Variants in SEZ6L observed in about 807,000 individuals in gnomAD.
SEZ6L encodes the protein seizure related 6 homolog like.
Under a neutral mutation model 106.2 loss-of-function variants are expected in SEZ6L, and 37 were observed. The observed-to-expected ratio is 0.35, with a 90% confidence interval of 0.27 to 0.46. The LOEUF is 0.46. Among genes scored for constraint, SEZ6L ranks in the 20% least tolerant of loss-of-function variants. The pLI is 1.00. For missense variants in SEZ6L, 1,172 were observed against 1,332.8 expected (o/e 0.88, Z 1.88); for synonymous variants, 541 against 570.4 (o/e 0.95, Z 0.73).
At chr22:26,277,451 A>G (rs778050855) in intron 1 of SEZ6L, among the ~76,000 whole-genome samples, 2 of 152,236 alleles carry the variant, frequency 1.3e-5, no homozygotes, top group Non-Finnish European at 2.9e-5. Flanking sequence ...CATATGCCAG[A>G]AAATGAAGAG....
intron 1 of SEZ6L, among the ~76,000 whole-genome samples, chr22:26,194,234 T>C (rs5752275): frequency 0.16 from 23,633 of 152,160 alleles, 2,344 homozygotes; most frequent in African/African-American, 0.28. Context: ...GATGGGAAAA[T>C]GAAGATCTTT....
chr22:26,298,972 A>G lies in SEZ6L; in HGVS notation c.1163-12A>G, dbSNP rs1208564810. ...AAGTGATGACTGAGTCTGCCTCTGC[A>G]TTTCTTCCCAGCCTTCATGCTGAGC... On this transcript the variant is annotated splice_polypyrimidine_tract_variant and intron_variant, in intron 4 of 16. Transcript: ENST00000248933. 3 of 1,544,876 alleles carry G rather than the reference A, an allele frequency of 1.9e-6. No individual in the cohort carries two copies. The highest frequency in any genetic ancestry group is 3.8e-5 in the Admixed American group (2 of 52,362).
chr22:26,368,073 A>C (rs2083882137), intron 13 of SEZ6L, among the ~76,000 whole-genome samples: 1 of 152,214 alleles, frequency 6.6e-6, no homozygotes, highest in Non-Finnish European at 1.5e-5. Context: ...TTATTGCTTT[A>C]GTGCCCCTTT....
At chr22:26,331,245 C>T (rs1435579562) in intron 9 of SEZ6L, among the ~76,000 whole-genome samples, 3 of 152,230 alleles carry the variant, frequency 2.0e-5, no homozygotes, top group Non-Finnish European at 4.4e-5. Flanking sequence ...TGGTCTGTGT[C>T]AGATTCTAAT....
chr22:26,272,318 T>C (rs1186461223), intron 1 of SEZ6L, among the ~76,000 whole-genome samples: 2 of 152,180 alleles, frequency 1.3e-5, no homozygotes, highest in African/African-American at 4.8e-5. Flanking sequence ...TCAATAAAAG[T>C]TTATGAAAAA....
At chr22:26,311,014 A>G (rs781096441) in intron 7 of SEZ6L, among the ~76,000 whole-genome samples, 178 bp downstream of exon 7, 1 of 152,354 alleles carries the variant, frequency 6.6e-6, no homozygotes, top group Admixed American at 6.5e-5. Flanking sequence ...AATGCCTATC[A>G]TTAACTGTGC....
intron 1 of SEZ6L, among the ~76,000 whole-genome samples, chr22:26,273,335 T>C (rs2080431878): frequency 6.6e-6 from 1 of 152,260 alleles, no homozygotes; most frequent in Non-Finnish European, 1.5e-5. Context: ...GTGTAGCCCC[T>C]GCCGGGTGGG....
chr22:26,374,617 C>T (rs150965793), intron 14 of SEZ6L, among the ~76,000 whole-genome samples: 11 of 152,250 alleles, frequency 7.2e-5, no homozygotes, highest in African/African-American at 2.6e-4. Flanking sequence ...GTTTTGTGCT[C>T]ATGCATTTAT....
At chr22:26,288,570 A>T (rs1474163554) in intron 1 of SEZ6L, among the ~76,000 whole-genome samples, 1 of 152,140 alleles carries the variant, frequency 6.6e-6, no homozygotes, top group Non-Finnish European at 1.5e-5. Flanking sequence ...AAGATTTGAA[A>T]CCCAGCTTTG....
At chr22:26,238,184 G>A (rs12166208) in intron 1 of SEZ6L, among the ~76,000 whole-genome samples, 12,031 of 152,176 alleles carry the variant, frequency 0.079, 911 homozygotes, top group African/African-American at 0.19. Flanking sequence ...AGGGGCTAAG[G>A]AATAGCTGTG....
At chr22:26,352,235 G>T (rs2083305561) in intron 12 of SEZ6L, among the ~76,000 whole-genome samples, 1 of 151,654 alleles carries the variant, frequency 6.6e-6, no homozygotes, top group Admixed American at 6.6e-5. Context: ...CACAGTCATT[G>T]CATAAGGAAA....
intron 9 of SEZ6L, among the ~76,000 whole-genome samples, chr22:26,337,205 A>C (rs777311645): frequency 6.6e-6 from 1 of 152,226 alleles, no homozygotes; most frequent in African/African-American, 2.4e-5. Context: ...ATCAAACCAA[A>C]GCTTTCTGAT....
intron 3 of SEZ6L, among the ~76,000 whole-genome samples, chr22:26,296,379 T>A (rs77790734): frequency 0.023 from 3,434 of 152,318 alleles, 111 homozygotes; most frequent in African/African-American, 0.069. Flanking sequence ...CAATCTTTTT[T>A]AAATATTTTC....
intron 11 of SEZ6L, among the ~76,000 whole-genome samples, chr22:26,348,709 AGG>A (rs1294326684): frequency 2.4e-5 from 1 of 41,666 alleles, no homozygotes; most frequent in Admixed American, 2.6e-4. Context: ...AAAGAAGGCA[AGG>A]GAGGGAAGGG....
At chr22:26,189,561 A>G (rs1484191083) in intron 1 of SEZ6L, among the ~76,000 whole-genome samples, 1 of 151,600 alleles carries the variant, frequency 6.6e-6, no homozygotes, top group Non-Finnish European at 1.5e-5. Context: ...CTTAAAATTT[A>G]AAAACCAATA....
chr22:26,360,926 A>T (rs549453501), intron 12 of SEZ6L, among the ~76,000 whole-genome samples: 1 of 152,190 alleles, frequency 6.6e-6, no homozygotes, highest in East Asian at 1.9e-4. Context: ...AAAAACACGG[A>T]GAGTGTATTC....
At chr22:26,237,154 G>T (rs2145759792) in intron 1 of SEZ6L, among the ~76,000 whole-genome samples, 1 of 152,308 alleles carries the variant, frequency 6.6e-6, no homozygotes, top group Non-Finnish European at 1.5e-5. Context: ...CAGTTTCCCT[G>T]TGTGTCAAAC....
chr22:26,257,933 T>TAA (rs1296653495), intron 1 of SEZ6L, among the ~76,000 whole-genome samples: 2 of 152,194 alleles, frequency 1.3e-5, no homozygotes, highest in African/African-American at 4.8e-5. Flanking sequence ...CATGAAAGAT[T>TAA]AGCTTTAATT....
At position 26,182,500 on chromosome 22, in the gene SEZ6L, A is replaced by AT. The variant is rs559884846; in HGVS notation, c.94+12742dup. Among the ~76,000 whole-genome samples the AT allele has an allele frequency of 9.9e-4, 150 of 152,258 alleles. 1 individual carries two copies. Among genetic ancestry groups the AT allele is most frequent in the African/African-American group, 3.4e-3 (143 of 41,548 alleles). On this transcript the variant is annotated intron_variant, in intron 1 of 16. Transcript: ENST00000248933. ...AGTTGATGTGAGACAAAAATCAGGA[A>AT]TTTTTGATCAAGAGCTTAGCACAGT...
Sources: gnomAD v4.1 joint callset for allele counts (sites outside exome capture counted in the v4.1 genomes callset) on GRCh38, gnomAD v4.1.1 for gene constraint, MANE v1.5 for transcripts, NCBI Gene and HGNC (gene_info 2026-07-23, HGNC 2026-07-21) for gene names.